ANTXR2: variants seen among roughly 807,000 people sequenced by gnomAD.
ANTXR2 encodes ANTXR cell adhesion molecule 2, also known as anthrax toxin receptor 2.
Under a neutral mutation model 73.7 loss-of-function variants are expected in ANTXR2, and 44 were observed. The observed-to-expected ratio is 0.60, with a 90% confidence interval of 0.47 to 0.77. The LOEUF is 0.77. ANTXR2 is among the 30% of genes least tolerant of loss of function. The pLI, the probability that ANTXR2 is intolerant of heterozygous loss-of-function variation, is 0.00. For synonymous variants in ANTXR2, 217 were observed against 205.9 expected (o/e 1.05, Z -0.46); for missense variants, 604 against 592.5 (o/e 1.02, Z -0.20).
chr4:80,014,290 C>A (rs903207236), intron 11 of ANTXR2, among the ~76,000 whole-genome samples: 1 of 151,980 alleles, frequency 6.6e-6, no homozygotes, highest in Non-Finnish European at 1.5e-5. Flanking sequence ...AATTTGTGGC[C>A]GGGTGAGGTG....
intron 7 of ANTXR2, among the ~76,000 whole-genome samples, chr4:80,049,467 G>A (rs1176482944): frequency 6.6e-6 from 1 of 151,738 alleles, no homozygotes; most frequent in Non-Finnish European, 1.5e-5. Context: ...ATATATATAT[G>A]TGCTTGTGTC....
chr4:80,015,729 G>A (rs533628758), intron 11 of ANTXR2, among the ~76,000 whole-genome samples: 13 of 151,298 alleles, frequency 8.6e-5, no homozygotes, highest in Non-Finnish European at 1.5e-4. Flanking sequence ...AGAAGCAGGA[G>A]GAGGGAGAGG....
chr4:79,964,310 TCAA>T (rs1729263980), intron 16 of ANTXR2, among the ~76,000 whole-genome samples: 3 of 152,164 alleles, frequency 2.0e-5, no homozygotes, highest in Admixed American at 2.0e-4. Context: ...TCTTTTCAAA[TCAA>T]AAAGGAGAAC....
chr4:79,912,988 C>A (rs1178115696), intron 16 of ANTXR2, among the ~76,000 whole-genome samples: 3 of 152,174 alleles, frequency 2.0e-5, no homozygotes, highest in Non-Finnish European at 2.9e-5. Context: ...ACCTTTTCTG[C>A]ATATTCAAAT....
intron 16 of ANTXR2, among the ~76,000 whole-genome samples, chr4:79,923,405 A>G (rs550512712): frequency 1.3e-5 from 2 of 152,184 alleles, no homozygotes; most frequent in East Asian, 3.9e-4. Flanking sequence ...AAGTAGGCCT[A>G]GATGTTCTGC....
At chr4:80,042,640 T>C (rs555775394) in intron 7 of ANTXR2, among the ~76,000 whole-genome samples, 1 of 152,160 alleles carries the variant, frequency 6.6e-6, no homozygotes, top group South Asian at 2.1e-4. Context: ...TCATACTTTA[T>C]ATTGAATGTG....
intron 14 of ANTXR2, among the ~76,000 whole-genome samples, chr4:79,980,723 T>A (rs1029133439): frequency 6.6e-6 from 1 of 152,134 alleles, no homozygotes; most frequent in Admixed American, 6.5e-5. Flanking sequence ...GTTATTAACA[T>A]CATCTCCGTT....
chr4:80,000,103 G>T (rs1001898463), intron 12 of ANTXR2, among the ~76,000 whole-genome samples: 1 of 151,982 alleles, frequency 6.6e-6, no homozygotes, highest in Non-Finnish European at 1.5e-5. Flanking sequence ...CAATTCTTAG[G>T]TGAGGCATCC....
chr4:80,072,462 G>C lies in ANTXR2; in HGVS notation c.99C>G (p.Ala33=). 6.2e-7 allele frequency: 1 copy of C among 1,609,620 alleles called. No homozygotes were observed. Among genetic ancestry groups the C allele is most frequent in the Non-Finnish European group, 8.5e-7 (1 of 1,178,148 alleles). The part of the protein sequence containing the change: ...VLSGPGGLLR[A]QEQPSCRRAF... ...CTCTTCTGCAGGAGGGCTGCTCCTG[G>C]GCGCGCAGCAGCCCCCCGGGACCGC... The change falls in exon 1 of 17, where the codon GCC becomes GCG. Residue 33 remains alanine (A), a synonymous_variant. Coordinates refer to ENST00000403729, the MANE Select transcript of ANTXR2 (RefSeq NM_058172.6).
In ANTXR2 at chr4:80,019,968, AAAAC is replaced by A. The variant is rs1291594696; in HGVS notation, c.867-996_867-993del. Among the ~76,000 whole-genome samples, 5 of 152,230 alleles carry A rather than the reference AAAAC, an allele frequency of 3.3e-5. No individual in the cohort carries two copies. The South Asian group carries it at 6.2e-4, about 19-fold the overall frequency. ...GTAATTTTTTATTATAAAAATAACT[AAAAC>A]AAGATATCAAAAGGGAAAAAAATGA... On this transcript the variant is annotated intron_variant, in intron 10 of 16. Transcript: ENST00000403729.
At position 79,907,093 on chromosome 4, in the gene ANTXR2, G is replaced by T; in HGVS notation, c.*336C>A. The T allele has an allele frequency of 3.2e-6, 1 of 309,216 alleles. No homozygotes were observed. Among genetic ancestry groups the T allele is most frequent in the Non-Finnish European group, 5.9e-6 (1 of 169,130 alleles). The allele number at this position is 309,216 out of a possible 1,614,324, so 19.2% of individuals were successfully genotyped here. On this transcript the variant is annotated 3_prime_UTR_variant, in exon 17 of 17. Coordinates refer to ENST00000403729, the MANE Select transcript of ANTXR2 (RefSeq NM_058172.6). ...TGGTCCTTGTTTTGGTATCATCTTCGTGTTGTTGCTGTTGTTGCTTTTTCC... is the reference window on the plus strand; with the variant it reads ...TGGTCCTTGTTTTGGTATCATCTTCTTGTTGTTGCTGTTGTTGCTTTTTCC...
At chr4:80,067,166 A>G (rs908355004) in intron 3 of ANTXR2, among the ~76,000 whole-genome samples, 1 of 151,248 alleles carries the variant, frequency 6.6e-6, no homozygotes, top group Non-Finnish European at 1.5e-5. Context: ...AGATCATGCC[A>G]TTGCACTCCA....
chr4:80,006,087 G>A (rs4690134), intron 12 of ANTXR2, among the ~76,000 whole-genome samples: 1 of 151,866 alleles, frequency 6.6e-6, no homozygotes, highest in South Asian at 2.1e-4. Context: ...AACTGAATTG[G>A]GAGTCATCAG....
intron 3 of ANTXR2, among the ~76,000 whole-genome samples, chr4:80,068,217 G>A (rs1734600217): frequency 6.6e-6 from 1 of 151,854 alleles, no homozygotes; most frequent in Non-Finnish European, 1.5e-5. Flanking sequence ...CCTTTTCAAG[G>A]GAAAACTTAA....
At chr4:80,065,415 G>A (rs992215679) in intron 3 of ANTXR2, among the ~76,000 whole-genome samples, 1 of 151,968 alleles carries the variant, frequency 6.6e-6, no homozygotes, top group Admixed American at 6.6e-5. Context: ...TTATCTTTGT[G>A]TTACCCCAGG....
At chr4:80,000,789 A>C (rs1270995572) in intron 12 of ANTXR2, among the ~76,000 whole-genome samples, 1 of 152,104 alleles carries the variant, frequency 6.6e-6, no homozygotes, top group African/African-American at 2.4e-5. Context: ...AGTTTCACAG[A>C]CACAGTAATT....
At position 80,037,988 on chromosome 4, in the gene ANTXR2, T is replaced by A. The variant is rs1195490775; in HGVS notation, c.637-1956A>T. Among the ~76,000 whole-genome samples, 5 of 152,232 alleles carry A rather than the reference T, an allele frequency of 3.3e-5. 1 individual carries two copies. Among genetic ancestry groups the A allele is most frequent in the South Asian group, 2.1e-4 (1 of 4,824 alleles). The stretch of plus-strand genomic sequence containing the variant: ...GATCTTATTAAGGAGACTAATTGCA[T>A]CTTTCAGTTTATAATCTCTTTAGTT... On this transcript the variant is annotated intron_variant, in intron 7 of 16. Transcript: ENST00000403729.
chr4:79,986,993 T>C (rs902858358), intron 12 of ANTXR2, among the ~76,000 whole-genome samples: 1 of 152,166 alleles, frequency 6.6e-6, no homozygotes, highest in Non-Finnish European at 1.5e-5. Flanking sequence ...GCAAATAGCT[T>C]CATCCAAAGG....
intron 16 of ANTXR2, among the ~76,000 whole-genome samples, chr4:79,959,580 G>A (rs1729068629): frequency 6.6e-6 from 1 of 152,210 alleles, no homozygotes; most frequent in Non-Finnish European, 1.5e-5. Flanking sequence ...CCCAGAATTA[G>A]AAAGTTAAAA....
Sources: allele counts gnomAD v4.1 joint callset (sites outside exome capture counted in the v4.1 genomes callset), GRCh38; gene constraint gnomAD v4.1.1; transcripts MANE v1.5; gene names NCBI Gene and HGNC (gene_info 2026-07-23, HGNC 2026-07-21).